PDE1A: variants seen among roughly 807,000 people sequenced by gnomAD.
The protein encoded by PDE1A is phosphodiesterase 1A.
A neutral mutation model predicts 61.7 loss-of-function variants in PDE1A; 35 were observed. The ratio of observed to expected loss-of-function variants is 0.57; its 90% confidence interval spans 0.43 to 0.75. The LOEUF (loss-of-function observed/expected upper bound fraction) is 0.75, where lower values mean the gene tolerates loss of function less well. PDE1A is among the 30% of genes least tolerant of loss of function. PDE1A has a pLI of 0.00. For missense variants in PDE1A, 597 were observed against 630.6 expected (o/e 0.95, Z 0.57); for synonymous variants, 232 against 213.2 (o/e 1.09, Z -0.77).
chr2:182,431,113 A>G (rs1266173462), upstream of PDE1A, among the ~76,000 whole-genome samples: 1 of 109,492 alleles, frequency 9.1e-6, no homozygotes, highest in East Asian at 4.3e-4. Context: ...TAATAAAAAA[A>G]AAAACATTAA....
At chr2:182,558,150 G>C in the PDE1A span, among the ~76,000 whole-genome samples, 2 of 151,832 alleles carry the variant, frequency 1.3e-5, no homozygotes, top group African/African-American at 4.8e-5. Flanking sequence ...ATTTTGAGAA[G>C]ATAAGTTTGG....
chr2:182,616,702 T>G, the PDE1A span, among the ~76,000 whole-genome samples: 3 of 152,374 alleles, frequency 2.0e-5, no homozygotes, highest in African/African-American at 7.2e-5. Context: ...AGCTACTTCA[T>G]GAAGTGGTTC....
At chr2:182,666,524 C>A in the PDE1A span, among the ~76,000 whole-genome samples, 16 of 151,768 alleles carry the variant, frequency 1.1e-4, no homozygotes, top group Admixed American at 5.9e-4. Context: ...AGGAGAATCG[C>A]TTGAACCCGG....
At chr2:182,389,054 G>GATAAAA (rs1216533539) in intron 1 of PDE1A, among the ~76,000 whole-genome samples, 1 of 151,976 alleles carries the variant, frequency 6.6e-6, no homozygotes. Context: ...GAAGTTAAAA[G>GATAAAA]ATAAAAATAA....
upstream of PDE1A, among the ~76,000 whole-genome samples, chr2:182,428,983 G>C (rs188919662): frequency 1.3e-5 from 2 of 152,154 alleles, no homozygotes; most frequent in African/African-American, 4.8e-5. Flanking sequence ...GAAGTCCAAA[G>C]GCTTGATTAC....
intron 7 of PDE1A, among the ~76,000 whole-genome samples, chr2:182,219,097 T>A (rs1688499952): frequency 3.3e-5 from 5 of 152,084 alleles, no homozygotes; most frequent in Admixed American, 3.3e-4. Flanking sequence ...TTCTAGTTTT[T>A]TACTCTCTTA....
intron 1 of PDE1A, among the ~76,000 whole-genome samples, chr2:182,333,202 C>T (rs1443343880): frequency 6.6e-6 from 1 of 152,094 alleles, no homozygotes; most frequent in Non-Finnish European, 1.5e-5. Flanking sequence ...ACATTCGGGA[C>T]TTGAACTCAG....
chr2:182,631,439 G>A, the PDE1A span, among the ~76,000 whole-genome samples: 1 of 152,106 alleles, frequency 6.6e-6, no homozygotes, highest in Admixed American at 6.6e-5. Context: ...AGGTAATCAG[G>A]CTCTCAATGG....
chr2:182,368,741 G>A (rs1559383821), intron 1 of PDE1A, among the ~76,000 whole-genome samples: 1 of 151,968 alleles, frequency 6.6e-6, no homozygotes, highest in Non-Finnish European at 1.5e-5. Context: ...GTGAACTTGG[G>A]CATGTTATCT....
At chr2:182,539,073 C>A in the PDE1A span, among the ~76,000 whole-genome samples, 2 of 152,080 alleles carry the variant, frequency 1.3e-5, no homozygotes, top group Non-Finnish European at 2.9e-5. Flanking sequence ...ATGACTTTTT[C>A]CCCACACTCT....
rs115787013 is a variant in PDE1A at position 182,468,992 on chromosome 2, C to T, written c.101+53284G>A. On this transcript the variant is annotated intron_variant, in intron 2 of 14. Coordinates refer to the PDE1A transcript ENST00000410103. ...TTGCTGTAAACAGATGTACTGTTAT[C>T]CAGCTTCATTGTTGCATTTCTAGAA... 3.2e-3 allele frequency among the ~76,000 whole-genome samples: 490 copies of T among 152,058 alleles called. 3 individuals are homozygous for T. The highest frequency in any genetic ancestry group is 0.011 in the African/African-American group (451 of 41,534).
Position 182,409,168 on chromosome 2 carries a change from C to A in PDE1A, c.53+17410G>T, listed in dbSNP as rs151295262. The stretch of plus-strand genomic sequence containing the variant: ...TCCTCCTCCCTTCTCCTTTTACATG[C>A]TTTTCCTTAAAATCGAATCCTTTTT... On this transcript the variant is annotated intron_variant, in intron 1 of 13. Coordinates refer to ENST00000351439, the Ensembl canonical transcript of PDE1A. Among the ~76,000 whole-genome samples, 63 of 152,294 alleles carry A rather than the reference C, an allele frequency of 4.1e-4. No homozygotes were observed. In the East Asian group the frequency reaches 0.011, roughly 27 times the overall value.
At chr2:182,178,902 G>A (rs1684515883) in intron 13 of PDE1A, among the ~76,000 whole-genome samples, 1 of 152,062 alleles carries the variant, frequency 6.6e-6, no homozygotes, top group African/African-American at 2.4e-5. Context: ...ACCAATGGGG[G>A]CTGTCTGTCT....
At chr2:182,352,128 A>T (rs1698917554) in intron 1 of PDE1A, among the ~76,000 whole-genome samples, 1 of 152,146 alleles carries the variant, frequency 6.6e-6, no homozygotes, top group Non-Finnish European at 1.5e-5. Context: ...TACTTCTCAC[A>T]TTATGTTTGC....
At chr2:182,632,729 A>G in the PDE1A span, among the ~76,000 whole-genome samples, 2 of 152,320 alleles carry the variant, frequency 1.3e-5, no homozygotes, top group East Asian at 1.9e-4. Flanking sequence ...AAAAGTTCAA[A>G]TTACATTTTG....
intron 1 of PDE1A, among the ~76,000 whole-genome samples, chr2:182,339,190 C>A (rs960113099): frequency 6.6e-6 from 1 of 152,070 alleles, no homozygotes; most frequent in Admixed American, 6.6e-5. Flanking sequence ...AAAAGAGACA[C>A]AATGAATAGA....
At chr2:182,186,545 T>G (rs1020799684) in exon 12 of PDE1A, 1 of 1,612,484 alleles carries the variant, frequency 6.2e-7, no homozygotes, top group African/African-American at 1.3e-5. Flanking sequence ...CTGTTGAGTC[T>G]GTCAGAAGAG....
At chr2:182,532,303 G>A in the PDE1A span, among the ~76,000 whole-genome samples, 1 of 152,144 alleles carries the variant, frequency 6.6e-6, no homozygotes, top group Non-Finnish European at 1.5e-5. Context: ...TAATTACCCT[G>A]ATGTAGAGTA....
chr2:182,695,499 T>G, the PDE1A span, among the ~76,000 whole-genome samples: 64 of 151,828 alleles, frequency 4.2e-4, no homozygotes, highest in Non-Finnish European at 5.9e-4. Flanking sequence ...ACTCCGTCTC[T>G]ACTAAAACTA....
Sources: allele counts gnomAD v4.1 joint callset (sites outside exome capture counted in the v4.1 genomes callset), GRCh38; gene constraint gnomAD v4.1.1; transcripts MANE v1.5; gene names NCBI Gene and HGNC (gene_info 2026-07-23, HGNC 2026-07-21).